The following CDH10 variants were observed in gnomAD, a reference collection of about 807,000 sequenced individuals.
The protein encoded by CDH10 is cadherin-10.
In CDH10, 30 loss-of-function variants were observed where a neutral mutation model predicts 73.1. The observed-to-expected ratio is 0.41, with a 90% confidence interval of 0.31 to 0.56. CDH10 has a LOEUF of 0.56. Among genes scored for constraint, CDH10 ranks in the 20% least tolerant of loss-of-function variants. CDH10 has a pLI of 0.27. For missense variants in CDH10, 815 were observed against 973.7 expected (o/e 0.84, Z 2.17); for synonymous variants, 345 against 348.2 (o/e 0.99, Z 0.10).
intron 2 of CDH10, among the ~76,000 whole-genome samples, chr5:24,565,436 G>T (rs188171337): frequency 6.6e-6 from 1 of 152,218 alleles, no homozygotes; most frequent in Non-Finnish European, 1.5e-5. Flanking sequence ...GATGATAAAT[G>T]TAACAGGATA....
chr5:24,503,140 C>T (rs180776079), intron 8 of CDH10, among the ~76,000 whole-genome samples: 3 of 152,258 alleles, frequency 2.0e-5, no homozygotes, highest in Admixed American at 1.3e-4. Context: ...TTCAATTGTT[C>T]TGGGACACTT....
chr5:24,553,645 C>T (rs142608682), intron 2 of CDH10, among the ~76,000 whole-genome samples: 2 of 152,070 alleles, frequency 1.3e-5, no homozygotes, highest in East Asian at 1.9e-4. Flanking sequence ...TATGTAGCAT[C>T]TAATGTTTTC....
At chr5:24,493,038 A>T in intron 9 of CDH10, 113 bp from the exon 10 acceptor site, 1 of 611,980 alleles carries the variant, frequency 1.6e-6, no homozygotes, top group East Asian at 2.6e-5. Flanking sequence ...CTTTTATTTC[A>T]TGTGAATGTA....
intron 1 of CDH10, among the ~76,000 whole-genome samples, chr5:24,621,301 T>G (rs1747309235): frequency 6.6e-6 from 1 of 152,160 alleles, no homozygotes; most frequent in Admixed American, 6.6e-5. Flanking sequence ...CCATATCCAT[T>G]TATTTATTCA....
intron 2 of CDH10, among the ~76,000 whole-genome samples, chr5:24,551,130 C>G (rs367714032): frequency 6.6e-6 from 1 of 152,146 alleles, no homozygotes; most frequent in South Asian, 2.1e-4. Context: ...CTTTTCCATT[C>G]TTAAGCCATA....
At chr5:24,532,515 G>C (rs929101196) in intron 5 of CDH10, among the ~76,000 whole-genome samples, 1 of 152,012 alleles carries the variant, frequency 6.6e-6, no homozygotes, top group Non-Finnish European at 1.5e-5. Context: ...GCCTGCTGCT[G>C]AGCTATCCAA....
chr5:24,544,676 G>A (rs967266176), intron 2 of CDH10, among the ~76,000 whole-genome samples: 3 of 152,074 alleles, frequency 2.0e-5, no homozygotes, highest in Non-Finnish European at 2.9e-5. Flanking sequence ...TCTGACTAAG[G>A]TGTCCAATCT....
At chr5:24,575,176 A>G (rs940136959) in intron 2 of CDH10, among the ~76,000 whole-genome samples, 1 of 151,954 alleles carries the variant, frequency 6.6e-6, no homozygotes, top group African/African-American at 2.4e-5. Flanking sequence ...AGCTTGGCCA[A>G]CATGGCAAAA....
intron 1 of CDH10, among the ~76,000 whole-genome samples, chr5:24,638,213 G>A (rs1747930392): frequency 6.6e-6 from 1 of 150,812 alleles, no homozygotes; most frequent in Non-Finnish European, 1.5e-5. Context: ...GTTAGTGAAG[G>A]CTTATTAATT....
At chr5:24,583,713 T>C (rs1162637551) in intron 2 of CDH10, among the ~76,000 whole-genome samples, 1 of 152,220 alleles carries the variant, frequency 6.6e-6, no homozygotes, top group East Asian at 1.9e-4. Flanking sequence ...TGGCGCAGTC[T>C]CCACTCACTG....
chr5:24,625,548 T>C (rs1416642922), intron 1 of CDH10, among the ~76,000 whole-genome samples: 1 of 68,782 alleles, frequency 1.5e-5, no homozygotes, highest in Non-Finnish European at 3.6e-5. Context: ...TATCTATCTG[T>C]ATATATATAT....
intron 2 of CDH10, among the ~76,000 whole-genome samples, chr5:24,585,997 T>A (rs1435721548): frequency 6.6e-6 from 1 of 152,158 alleles, no homozygotes; most frequent in Non-Finnish European, 1.5e-5. Context: ...AGCTCAGTCG[T>A]CTTGCACATT....
chr5:24,522,488 TAAATA>T (rs149729376), intron 5 of CDH10, among the ~76,000 whole-genome samples: 71,824 of 149,754 alleles, frequency 0.48, 17,304 homozygotes, highest in East Asian at 0.58. Flanking sequence ...AGCAAGAAAG[TAAATA>T]AAATAAAATA....
At chr5:24,588,382 T>C (rs115718488) in intron 2 of CDH10, among the ~76,000 whole-genome samples, 3,737 of 152,246 alleles carry the variant, frequency 0.025, 146 homozygotes, top group African/African-American at 0.085. Context: ...ACAGTTGTTT[T>C]TTATGTAGGT....
chr5:24,580,215 G>A (rs1027150581), intron 2 of CDH10, among the ~76,000 whole-genome samples: 20 of 151,826 alleles, frequency 1.3e-4, no homozygotes, highest in African/African-American at 4.8e-4. Flanking sequence ...CCATGTCATG[G>A]GGGTTTGTTA....
chr5:24,635,128 T>C (rs1747826188), intron 1 of CDH10, among the ~76,000 whole-genome samples: 1 of 151,962 alleles, frequency 6.6e-6, no homozygotes, highest in Non-Finnish European at 1.5e-5. Context: ...AGGTTCTATG[T>C]CTTCATCAGA....
chr5:24,600,458 A>G (rs1746518262), intron 1 of CDH10, among the ~76,000 whole-genome samples: 1 of 152,170 alleles, frequency 6.6e-6, no homozygotes, highest in Non-Finnish European at 1.5e-5. Flanking sequence ...AACAAAATTG[A>G]AGTGGTTCTC....
chr5:24,501,691 T>G (rs1742502426), intron 8 of CDH10, among the ~76,000 whole-genome samples: 1 of 152,206 alleles, frequency 6.6e-6, no homozygotes, highest in Admixed American at 6.5e-5. Flanking sequence ...ATAACTGTTT[T>G]ACCTGCTTTG....
At chr5:24,642,907 A>G (rs1748100404) in intron 1 of CDH10, among the ~76,000 whole-genome samples, 1 of 151,796 alleles carries the variant, frequency 6.6e-6, no homozygotes, top group Non-Finnish European at 1.5e-5. Flanking sequence ...TGTTCACAGC[A>G]AGTATTTGAA....
Sources: allele counts gnomAD v4.1 joint callset (sites outside exome capture counted in the v4.1 genomes callset), GRCh38; gene constraint gnomAD v4.1.1; transcripts MANE v1.5; gene names NCBI Gene and HGNC (gene_info 2026-07-23, HGNC 2026-07-21).